NIM1K: variants seen among roughly 807,000 people sequenced by gnomAD.
The protein encoded by NIM1K is NIM1 serine/threonine protein kinase.
NIM1K carries 35 observed loss-of-function variants against 37.1 expected under a neutral mutation model. The observed-to-expected ratio is 0.94, with a 90% CI of 0.72 to 1.25. NIM1K has a LOEUF of 1.25. Among genes scored for constraint, NIM1K ranks in the 50% most tolerant of loss-of-function variants. The probability of loss-of-function intolerance (pLI) is 0.00; values close to 1 mark genes in which losing one functional copy is unlikely to be tolerated. For synonymous variants in NIM1K, 234 were observed against 206.6 expected (o/e 1.13, Z -1.14); for missense variants, 564 against 548.0 (o/e 1.03, Z -0.29).
intron 2 of NIM1K, among the ~76,000 whole-genome samples, chr5:43,276,345 C>G (rs2111565765): frequency 6.6e-6 from 1 of 152,344 alleles, no homozygotes; most frequent in South Asian, 2.1e-4. Flanking sequence ...AAAGCAGGAG[C>G]AAGAGTTGGG....
intron 1 of NIM1K, among the ~76,000 whole-genome samples, chr5:43,203,708 A>G (rs1752066537): frequency 6.6e-6 from 1 of 152,150 alleles, no homozygotes; most frequent in Admixed American, 6.6e-5. Flanking sequence ...ACATTACCAG[A>G]GCTAGTCTCA....
intron 1 of NIM1K, chr5:43,225,457 T>C (rs1175064388): frequency 6.6e-6 from 1 of 152,160 alleles, no homozygotes; most frequent in East Asian, 1.9e-4. Context: ...TTTATGCAGT[T>C]TCATGAAAAG....
At chr5:43,270,923 A>G (rs965003206) in intron 2 of NIM1K, among the ~76,000 whole-genome samples, 2 of 152,148 alleles carry the variant, frequency 1.3e-5, no homozygotes, top group Non-Finnish European at 2.9e-5. Context: ...CCCAAACACC[A>G]AGTGGTATTG....
chr5:43,237,952 T>C (rs1203966806), intron 1 of NIM1K, among the ~76,000 whole-genome samples: 1 of 152,124 alleles, frequency 6.6e-6, no homozygotes, highest in Non-Finnish European at 1.5e-5. Context: ...TAATTAGATG[T>C]TGGACTTTCT....
chr5:43,245,979 G>A lies in NIM1K; in HGVS notation c.204G>A (p.Gly68=). 6.2e-7 allele frequency: 1 copy of A among 1,614,138 alleles called. No homozygotes were observed. The highest frequency in any genetic ancestry group is 1.1e-5 in the South Asian group (1 of 91,080). The change falls in exon 2 of 4, where the codon GGG becomes GGA. Residue 68 remains glycine (G), a synonymous_variant. Coordinates refer to ENST00000326035, the MANE Select transcript of NIM1K (RefSeq NM_153361.4). Reference sequence around the variant, plus strand: ...AGGTGGTGAGGGAGATCACGCTGGGGAAACGGATAGGCTTCTACCGAATTC... The same window carrying A: ...AGGTGGTGAGGGAGATCACGCTGGGAAAACGGATAGGCTTCTACCGAATTC... ...DEKVVREITL[G]KRIGFYRIRG... is the part of the protein sequence containing the mutation.
At chr5:43,229,384 CAAAAAA>C (rs58730944) in intron 1 of NIM1K, among the ~76,000 whole-genome samples, 1 of 89,998 alleles carries the variant, frequency 1.1e-5, no homozygotes. Flanking sequence ...AACTCCATCT[CAAAAAA>C]AAAAAAAAAA....
chr5:43,207,858 C>T (rs1752140454), intron 1 of NIM1K: 1 of 329,344 alleles, frequency 3.0e-6, no homozygotes, highest in Non-Finnish European at 5.6e-6. Flanking sequence ...CCTTCCTGAC[C>T]TCCATATGCT....
chr5:43,233,612 G>A (rs1352388162), intron 1 of NIM1K, among the ~76,000 whole-genome samples: 1 of 152,182 alleles, frequency 6.6e-6, no homozygotes, highest in African/African-American at 2.4e-5. Flanking sequence ...AATAGAAAAC[G>A]AGGTTTTTCT....
At chr5:43,229,191 C>T (rs910771484) in intron 1 of NIM1K, among the ~76,000 whole-genome samples, 2 of 151,976 alleles carry the variant, frequency 1.3e-5, no homozygotes, top group Non-Finnish European at 2.9e-5. Context: ...TCAGGGCTAG[C>T]CTGGGCAACA....
intron 2 of NIM1K, among the ~76,000 whole-genome samples, chr5:43,257,618 T>G (rs1211645695): frequency 6.6e-6 from 1 of 152,086 alleles, no homozygotes; most frequent in Non-Finnish European, 1.5e-5. Flanking sequence ...CCCAAAGTGT[T>G]GGTATTACAG....
chr5:43,272,303 A>G (rs959021250), intron 2 of NIM1K, among the ~76,000 whole-genome samples: 12 of 152,146 alleles, frequency 7.9e-5, no homozygotes, highest in Admixed American at 7.9e-4. Flanking sequence ...AGAAAGTGTT[A>G]AAAGTCTTCC....
chr5:43,272,695 G>C (rs902500261), intron 2 of NIM1K, among the ~76,000 whole-genome samples: 2 of 152,066 alleles, frequency 1.3e-5, no homozygotes, highest in Non-Finnish European at 2.9e-5. Context: ...TCCTGTAGAC[G>C]TATTTTGCTT....
intron 1 of NIM1K, among the ~76,000 whole-genome samples, chr5:43,211,371 T>C (rs1238841099): frequency 6.6e-6 from 1 of 152,248 alleles, no homozygotes; most frequent in African/African-American, 2.4e-5. Context: ...ACTCTTGTAG[T>C]GGGGAAGAAA....
chr5:43,255,561 C>T (rs573485090), intron 2 of NIM1K, among the ~76,000 whole-genome samples: 276 of 152,118 alleles, frequency 1.8e-3, no homozygotes, highest in African/African-American at 6.2e-3. Flanking sequence ...CCATCCTGGC[C>T]GACATGGTGA....
chr5:43,268,006 A>G (rs1753194489), intron 2 of NIM1K, among the ~76,000 whole-genome samples: 2 of 152,072 alleles, frequency 1.3e-5, no homozygotes, highest in African/African-American at 2.4e-5. Context: ...TTCTTTGTTG[A>G]CTTTCTGCCT....
chr5:43,209,817 G>T (rs959909589), intron 1 of NIM1K, among the ~76,000 whole-genome samples: 1 of 151,990 alleles, frequency 6.6e-6, no homozygotes, highest in South Asian at 2.1e-4. Context: ...GTTTCACCAC[G>T]TTAGCCAGGC....
intron 2 of NIM1K, among the ~76,000 whole-genome samples, chr5:43,269,315 AAAAAG>A (rs1274453953): frequency 4.0e-5 from 6 of 149,186 alleles, no homozygotes; most frequent in African/African-American, 1.2e-4. Context: ...TCTCAAAAAA[AAAAAG>A]AAAAAAAAAA....
At chr5:43,251,650 G>A (rs1752868789) in intron 2 of NIM1K, among the ~76,000 whole-genome samples, 1 of 152,144 alleles carries the variant, frequency 6.6e-6, no homozygotes, top group African/African-American at 2.4e-5. Context: ...TTTCTCTGGG[G>A]CTGTGTGCTT....
intron 1 of NIM1K, among the ~76,000 whole-genome samples, chr5:43,231,352 A>T (rs1311749505): frequency 4.6e-5 from 7 of 152,140 alleles, no homozygotes; most frequent in African/African-American, 1.7e-4. Flanking sequence ...ATCTATATTT[A>T]TAAATGTATA....
Sources: allele counts gnomAD v4.1 joint callset (sites outside exome capture counted in the v4.1 genomes callset), GRCh38; gene constraint gnomAD v4.1.1; transcripts MANE v1.5; gene names NCBI Gene and HGNC (gene_info 2026-07-23, HGNC 2026-07-21).